Variants in SLC9A2 observed in about 807,000 individuals in gnomAD.
SLC9A2 encodes the protein solute carrier family 9 member A2.
SLC9A2 carries 42 observed loss-of-function variants against 71.7 expected under a neutral mutation model. That is an observed-to-expected ratio of 0.59 (90% confidence interval 0.46 to 0.76). SLC9A2 has a LOEUF of 0.76. Among genes scored for constraint, SLC9A2 ranks in the 30% least tolerant of loss-of-function variants. The pLI, the probability that SLC9A2 is intolerant of heterozygous loss-of-function variation, is 0.00. For missense variants in SLC9A2, 829 were observed against 1,017.4 expected (o/e 0.81, Z 2.52); for synonymous variants, 396 against 392.5 (o/e 1.01, Z -0.10).
At chr2:102,646,480 A>G (rs1318586950) in intron 1 of SLC9A2, among the ~76,000 whole-genome samples, 2 of 152,206 alleles carry the variant, frequency 1.3e-5, no homozygotes, top group Non-Finnish European at 2.9e-5. Flanking sequence ...AATGGGCTAA[A>G]TGCCCCAATT....
chr2:102,682,666 C>T (rs1677476173), intron 3 of SLC9A2, among the ~76,000 whole-genome samples: 1 of 152,074 alleles, frequency 6.6e-6, no homozygotes, highest in Admixed American at 6.5e-5. Context: ...GAAGTGGATA[C>T]AATAGATACA....
intron 1 of SLC9A2, among the ~76,000 whole-genome samples, chr2:102,652,639 C>T (rs1240831507): frequency 2.0e-5 from 3 of 152,158 alleles, no homozygotes; most frequent in African/African-American, 7.2e-5. Flanking sequence ...CTTGTCTTAT[C>T]TTCTGTGCCA....
At chr2:102,654,930 T>C (rs1006411960) in intron 1 of SLC9A2, among the ~76,000 whole-genome samples, 7 of 152,182 alleles carry the variant, frequency 4.6e-5, no homozygotes, top group Non-Finnish European at 1.0e-4. Flanking sequence ...ATCATAAAAA[T>C]GTAGTATAAA....
At chr2:102,620,906 C>G (rs924070327) in intron 1 of SLC9A2, among the ~76,000 whole-genome samples, 1 of 152,028 alleles carries the variant, frequency 6.6e-6, no homozygotes, top group Non-Finnish European at 1.5e-5. Context: ...CGAGGTGATT[C>G]ACGCCTGTAA....
intron 5 of SLC9A2, chr2:102,689,773 G>C (rs957445503): frequency 6.6e-6 from 1 of 152,204 alleles, no homozygotes; most frequent in African/African-American, 2.4e-5. Context: ...TTTTGACTGC[G>C]CAGCCAGGGG....
chr2:102,641,281 C>T (rs928576636), intron 1 of SLC9A2, among the ~76,000 whole-genome samples: 5 of 152,124 alleles, frequency 3.3e-5, no homozygotes, highest in African/African-American at 7.2e-5. Context: ...GCTCTGTAAA[C>T]GTCTCAAATG....
At chr2:102,623,980 A>G (rs1676194542) in intron 1 of SLC9A2, among the ~76,000 whole-genome samples, 1 of 152,138 alleles carries the variant, frequency 6.6e-6, no homozygotes, top group South Asian at 2.1e-4. Context: ...GAAGTGAGAA[A>G]ATCCATTTTT....
chr2:102,701,242 T>G lies in SLC9A2; in HGVS notation c.1748+11T>G. On this transcript the variant is annotated intron_variant, in intron 8 of 11. Coordinates refer to ENST00000233969, the MANE Select transcript of SLC9A2 (RefSeq NM_003048.6). The stretch of plus-strand genomic sequence containing the variant: ...ATTTGCATCTCTAAAGTAAGTATGG[T>G]CTTGCAAATAAAAGTTAGTATTGTT... The G allele has an allele frequency of 6.4e-7, 1 of 1,573,760 alleles. No homozygotes were observed. The highest frequency in any genetic ancestry group is 2.0e-5 in the Admixed American group (1 of 50,314).
intron 3 of SLC9A2, among the ~76,000 whole-genome samples, chr2:102,681,119 A>G (rs1419168602): frequency 6.6e-6 from 1 of 152,232 alleles, no homozygotes; most frequent in Non-Finnish European, 1.5e-5. Context: ...AGATGGATAC[A>G]AACAGGCTTG....
chr2:102,660,767 T>A (rs370098858), intron 2 of SLC9A2, among the ~76,000 whole-genome samples: 1 of 151,966 alleles, frequency 6.6e-6, no homozygotes, highest in Non-Finnish European at 1.5e-5. Context: ...GGGGTTAGTT[T>A]AAGGAACTCA....
At chr2:102,672,723 G>A (rs903035251) in intron 3 of SLC9A2, among the ~76,000 whole-genome samples, 2 of 152,148 alleles carry the variant, frequency 1.3e-5, no homozygotes, top group African/African-American at 4.8e-5. Context: ...TAAAGTGGGA[G>A]GGAAAGTTGT....
chr2:102,644,868 A>G (rs767122267), intron 1 of SLC9A2, among the ~76,000 whole-genome samples: 2 of 152,232 alleles, frequency 1.3e-5, no homozygotes, highest in Non-Finnish European at 2.9e-5. Context: ...AGCTGCAGGC[A>G]TAGCTTCAGC....
chr2:102,627,537 G>A (rs555011728), intron 1 of SLC9A2, among the ~76,000 whole-genome samples: 87 of 151,376 alleles, frequency 5.7e-4, no homozygotes, highest in African/African-American at 1.5e-3. Context: ...AAATTTATTG[G>A]AAGTTATTTT....
At position 102,674,894 on chromosome 2, in the gene SLC9A2, G is replaced by C. The variant is rs1049138256; in HGVS notation, c.1005-8367G>C. Among the ~76,000 whole-genome samples the C allele has an allele frequency of 4.6e-5, 7 of 152,152 alleles. No homozygotes were observed. The East Asian group carries it at 1.4e-3, about 29-fold the overall frequency. On this transcript the variant is annotated intron_variant, in intron 3 of 11. Coordinates refer to ENST00000233969, the MANE Select transcript of SLC9A2 (RefSeq NM_003048.6). ...AGCCATCTCCAAAGCATGAAACCAG[G>C]GTCACAGAGAAATCGAGCTTTATAT... is the stretch of plus-strand genomic sequence containing the variant.
chr2:102,634,485 A>G (rs62154733), intron 1 of SLC9A2, among the ~76,000 whole-genome samples: 308 of 152,266 alleles, frequency 2.0e-3, no homozygotes, highest in Non-Finnish European at 3.6e-3. Context: ...AACAGTTGCT[A>G]CTTTATAGAC....
intron 1 of SLC9A2, among the ~76,000 whole-genome samples, chr2:102,622,685 A>C (rs963517016): frequency 2.6e-5 from 4 of 152,168 alleles, no homozygotes; most frequent in Non-Finnish European, 4.4e-5. Flanking sequence ...GGATTAAATG[A>C]GAATGAATGT....
intron 4 of SLC9A2, among the ~76,000 whole-genome samples, 172 bp from the exon 5 acceptor site, chr2:102,683,962 A>G (rs1677502770): frequency 6.6e-6 from 1 of 152,198 alleles, no homozygotes; most frequent in African/African-American, 2.4e-5. Flanking sequence ...CTGAAACAAC[A>G]TCAAAGGCCC....
At chr2:102,633,956 T>C (rs1299924754) in intron 1 of SLC9A2, among the ~76,000 whole-genome samples, 1 of 152,178 alleles carries the variant, frequency 6.6e-6, no homozygotes, top group East Asian at 1.9e-4. Context: ...GAAACACATG[T>C]ACATATAAAT....
chr2:102,688,710 G>C (rs932078550), intron 5 of SLC9A2, among the ~76,000 whole-genome samples: 4 of 152,112 alleles, frequency 2.6e-5, no homozygotes, highest in African/African-American at 9.7e-5. Context: ...CCTGGCGACA[G>C]AGCAAGACTC....
Sources: allele counts gnomAD v4.1 joint callset (sites outside exome capture counted in the v4.1 genomes callset), GRCh38; gene constraint gnomAD v4.1.1; transcripts MANE v1.5; gene names NCBI Gene and HGNC (gene_info 2026-07-23, HGNC 2026-07-21).